R3HDM1: variants seen among roughly 807,000 people sequenced by gnomAD.
R3HDM1 encodes the protein R3H domain-containing protein 1.
In R3HDM1, 46 loss-of-function variants were observed where a neutral mutation model predicts 141.1. The ratio of observed to expected loss-of-function variants is 0.33; its 90% CI spans 0.26 to 0.42. R3HDM1 has a LOEUF of 0.42. Among genes scored for constraint, R3HDM1 ranks in the 10% least tolerant of loss-of-function variants. The pLI is 1.00. For missense variants in R3HDM1, 1,184 were observed against 1,368.3 expected (o/e 0.87, Z 2.12); for synonymous variants, 435 against 472.9 (o/e 0.92, Z 1.04).
At chr2:135,640,880 A>G in intron 14 of R3HDM1, among the ~76,000 whole-genome samples, 1 of 152,204 alleles carries the variant, frequency 6.6e-6, no homozygotes, top group Non-Finnish European at 1.5e-5. Context: ...ATCAGTTATC[A>G]AATTAGTTCA....
chr2:135,555,537 C>T (rs1335258402), intron 1 of R3HDM1, among the ~76,000 whole-genome samples: 1 of 152,078 alleles, frequency 6.6e-6, no homozygotes, highest in African/African-American at 2.4e-5. Context: ...ACATGAGTTA[C>T]CCTGTGACCC....
At chr2:135,649,706 A>G (rs982742279) in intron 16 of R3HDM1, among the ~76,000 whole-genome samples, 196 bp from the exon 17 acceptor site, 5 of 152,186 alleles carry the variant, frequency 3.3e-5, no homozygotes, top group African/African-American at 9.7e-5. Context: ...TCAGGCGTAC[A>G]TGTTTTTGAA....
chr2:135,597,774 A>G (rs1289815906), intron 1 of R3HDM1, among the ~76,000 whole-genome samples: 1 of 152,208 alleles, frequency 6.6e-6, no homozygotes, highest in Non-Finnish European at 1.5e-5. Context: ...ATTTTTGTGA[A>G]GAATATTTTT....
intron 21 of R3HDM1, among the ~76,000 whole-genome samples, chr2:135,693,652 T>G (rs140024138): frequency 6.6e-6 from 1 of 152,186 alleles, no homozygotes; most frequent in Non-Finnish European, 1.5e-5. Context: ...GTCATAGTAT[T>G]TATTCAAAAA....
At chr2:135,569,726 T>TG (rs972131822) in intron 1 of R3HDM1, among the ~76,000 whole-genome samples, 2 of 145,920 alleles carry the variant, frequency 1.4e-5, no homozygotes, top group South Asian at 2.2e-4. Context: ...CTCTTTTTTT[T>TG]TTGTTGTTGT....
intron 5 of R3HDM1, among the ~76,000 whole-genome samples, chr2:135,618,981 T>C (rs1000374997): frequency 1.3e-5 from 2 of 151,022 alleles, no homozygotes; most frequent in African/African-American, 4.9e-5. Flanking sequence ...GATTGCGCTA[T>C]TGCGCTCCAG....
chr2:135,547,590 G>C (rs1290940459), intron 1 of R3HDM1, among the ~76,000 whole-genome samples: 1 of 151,038 alleles, frequency 6.6e-6, no homozygotes, highest in Non-Finnish European at 1.5e-5. Flanking sequence ...CCCGCTCACA[G>C]GTCTCATTCC....
At chr2:135,667,537 A>G (rs927343862) in intron 19 of R3HDM1, 1 of 672,414 alleles carries the variant, frequency 1.5e-6, no homozygotes, top group Non-Finnish European at 1.8e-6. Flanking sequence ...GTTTTCCTCT[A>G]CTTTCCAGAT....
chr2:135,610,463 G>GTT (rs2060440040), intron 3 of R3HDM1, among the ~76,000 whole-genome samples: 1 of 152,178 alleles, frequency 6.6e-6, no homozygotes, highest in Non-Finnish European at 1.5e-5. Context: ...TAAAGTACAT[G>GTT]TTTTGTATAT....
intron 19 of R3HDM1, chr2:135,665,340 A>G: frequency 2.0e-6 from 1 of 497,284 alleles, no homozygotes. Flanking sequence ...ATGACTCTTG[A>G]CAAGTTTGTA....
chr2:135,580,589 ATCT>A (rs1434543385), intron 1 of R3HDM1, among the ~76,000 whole-genome samples: 3 of 152,176 alleles, frequency 2.0e-5, no homozygotes, highest in African/African-American at 7.2e-5. Context: ...TAAGTGAAAA[ATCT>A]GTACATGTCA....
intron 21 of R3HDM1, among the ~76,000 whole-genome samples, chr2:135,693,253 C>G (rs1229945327): frequency 6.6e-6 from 1 of 152,122 alleles, no homozygotes; most frequent in Non-Finnish European, 1.5e-5. Context: ...AGATGTTCAT[C>G]TGTAAAAACC....
intron 21 of R3HDM1, among the ~76,000 whole-genome samples, chr2:135,684,236 G>A (rs1054170518): frequency 2.0e-5 from 3 of 151,614 alleles, no homozygotes; most frequent in East Asian, 1.9e-4. Context: ...GACTATAGGC[G>A]CCCGCCACTA....
chr2:135,677,881 A>G (rs1054406739), intron 20 of R3HDM1, among the ~76,000 whole-genome samples: 6 of 151,814 alleles, frequency 4.0e-5, no homozygotes, highest in African/African-American at 1.5e-4. Context: ...CTTTCCCTCC[A>G]GTGTATTCTA....
At chr2:135,534,420 T>G (rs748440612) in intron 1 of R3HDM1, among the ~76,000 whole-genome samples, 1 of 152,266 alleles carries the variant, frequency 6.6e-6, no homozygotes, top group Non-Finnish European at 1.5e-5. Context: ...TCTCCTTATT[T>G]ATCAACACTT....
chr2:135,700,447 G>A (rs2074045548), intron 21 of R3HDM1, among the ~76,000 whole-genome samples: 1 of 152,178 alleles, frequency 6.6e-6, no homozygotes, highest in African/African-American at 2.4e-5. Flanking sequence ...AGCATTTTAA[G>A]TGAATAGAGC....
intron 1 of R3HDM1, among the ~76,000 whole-genome samples, chr2:135,596,038 G>A (rs868860266): frequency 3.3e-5 from 5 of 151,844 alleles, no homozygotes; most frequent in South Asian, 2.1e-4. Flanking sequence ...TCGTTCTGTC[G>A]CCCAGGCTGG....
At chr2:135,579,200 C>G (rs1706198574) in intron 1 of R3HDM1, among the ~76,000 whole-genome samples, 1 of 152,006 alleles carries the variant, frequency 6.6e-6, no homozygotes, top group Admixed American at 6.5e-5. Flanking sequence ...GAAAGTAATT[C>G]AAAAAATGAT....
At chr2:135,681,728 T>G (rs149742653) in intron 21 of R3HDM1, among the ~76,000 whole-genome samples, 1 of 152,272 alleles carries the variant, frequency 6.6e-6, no homozygotes, top group African/African-American at 2.4e-5. Context: ...CAGGCCTAGT[T>G]AAAGGGTTCA....
Sources: gnomAD v4.1 joint callset for allele counts (sites outside exome capture counted in the v4.1 genomes callset) on GRCh38, gnomAD v4.1.1 for gene constraint, MANE v1.5 for transcripts, NCBI Gene and HGNC (gene_info 2026-07-23, HGNC 2026-07-21) for gene names.